Variants in PDZD7 observed in about 807,000 individuals in gnomAD.
The protein encoded by PDZD7 is PDZ domain containing 7.
A neutral mutation model predicts 84.7 loss-of-function variants in PDZD7; 72 were observed. The ratio of observed to expected loss-of-function variants is 0.85; its 90% confidence interval spans 0.70 to 1.03. PDZD7 has a LOEUF of 1.03. Ranked by LOEUF, PDZD7 falls within the 50% of genes least tolerant of loss-of-function variation. The pLI, the probability that PDZD7 is intolerant of heterozygous loss-of-function variation, is 0.00. For synonymous variants in PDZD7, 594 were observed against 580.7 expected (o/e 1.02, Z -0.33); for missense variants, 1,490 against 1,412.9 (o/e 1.05, Z -0.87).
chr10:101,022,440 A>G lies in PDZD7; in HGVS notation c.543-55T>C. The stretch of plus-strand genomic sequence containing the variant: ...GGTCCTCCATCCACTGCCACCCACC[A>G]CCCTCCCAGCAGTTCTGACAACTGC... On this transcript the variant is annotated intron_variant, in intron 4 of 16. Transcript: ENST00000619208. 3 of 1,603,192 alleles carry G rather than the reference A, an allele frequency of 1.9e-6. No individual in the cohort carries two copies. In the South Asian group the frequency reaches 3.3e-5, roughly 18 times the overall value.
At chr10:101,023,655 G>T (rs1270612314) in intron 3 of PDZD7, 45 bp from the exon 4 acceptor site, 2 of 1,600,572 alleles carry the variant, frequency 1.2e-6, no homozygotes, top group South Asian at 1.1e-5. Context: ...CCCAGGGTGG[G>T]GCTGAGCCTC....
rs1386117902 is a variant in PDZD7, at chr10:101,019,124, G to A, written c.1022C>T (p.Ser341Phe). Reference protein sequence around the residue: ...CASSAPYSSGSLPSDRMDICL... With the variant: ...CASSAPYSSGFLPSDRMDICL... ...GATGTCCATGCGGTCCGACGGCAGG[G>A]AGCCCGAGCTGTAGGGGGCGCTGGA... is the stretch of plus-strand genomic sequence containing the variant. Residue 341 changes from serine to phenylalanine, a missense_variant, in exon 8 of 17, where the codon TCC becomes TTC. Ser to Phe is a radical substitution (Grantham distance 155, BLOSUM62 -2). Transcript: ENST00000619208. 4 of 1,548,884 alleles carry A rather than the reference G, an allele frequency of 2.6e-6. No individual in the cohort carries two copies. In the African/African-American group the frequency reaches 5.4e-5, roughly 21 times the overall value.
intron 8 of PDZD7, among the ~76,000 whole-genome samples, 191 bp downstream of exon 8, chr10:101,018,631 A>C (rs1193148828): frequency 6.6e-6 from 1 of 152,130 alleles, no homozygotes; most frequent in African/African-American, 2.4e-5. Context: ...GCTGAGACTA[A>C]GGGTGAATGT....
chr10:101,009,273 C>CG lies in PDZD7; in HGVS notation c.2694dup (p.Ala899ArgfsTer62). On this transcript the variant is annotated frameshift_variant, in exon 16 of 17. Transcript: ENST00000619208. LOFTEE classifies it low-confidence loss of function (END_TRUNC). ...ACCTGCAGGGCCCCACTGAGGAAAG[C>CG]GGCCCCCCCAGGGAAGATCTTCTCT... 3.9e-6 allele frequency: 6 copies of CG among 1,535,874 alleles called. No individual in the cohort carries two copies. Among genetic ancestry groups the CG allele is most frequent in the Non-Finnish European group, 5.2e-6 (6 of 1,146,704 alleles).
intron 2 of PDZD7, among the ~76,000 whole-genome samples, chr10:101,025,915 C>G (rs1010584725): frequency 6.6e-6 from 1 of 152,122 alleles, no homozygotes; most frequent in Non-Finnish European, 1.5e-5. Context: ...TGGGACCCAG[C>G]AAATCTCTGT....
intron 12 of PDZD7, 29 bp from the exon 13 acceptor site, chr10:101,012,045 G>A (rs907004942): frequency 1.3e-6 from 2 of 1,544,204 alleles, no homozygotes; most frequent in South Asian, 1.2e-5. Context: ...CAGCAGGGGT[G>A]GGAGGGGCAG....
rs1001946635 is a variant in PDZD7, at chr10:101,031,099, C to G, written c.-192G>C. 4 of 152,486 alleles carry G rather than the reference C, an allele frequency of 2.6e-5. No individual in the cohort carries two copies. The highest frequency in any genetic ancestry group is 9.6e-5 in the African/African-American group (4 of 41,588). 9.4% of individuals were successfully genotyped at this position (152,486 alleles called of 1,614,324 possible). ...TGGTCGCTGGTGTGGCGCCGCCAGC[C>G]TTGTCAAACCACCCGCAGGCGAGAG... On this transcript the variant is annotated 5_prime_UTR_variant, in exon 1 of 17. Coordinates refer to ENST00000619208, the MANE Select transcript of PDZD7 (RefSeq NM_001195263.2).
rs1316703813 is a variant in PDZD7 at position 101,008,556 on chromosome 10, T to G, written c.3013A>C (p.Arg1005=). The G allele has an allele frequency of 6.5e-7, 1 of 1,535,410 alleles. No homozygotes were observed. Among genetic ancestry groups the G allele is most frequent in the Admixed American group, 2.0e-5 (1 of 50,928 alleles). ...GGGCTGGGAGTTGGCTGGAGGAGCC[T>G]GGCATCAGTGGGAGGAGTCTGGGGA... ...TNPQTPPTDA[R]LLQPTPSPAP... The change falls in exon 17 of 17, where the codon AGG becomes CGG. Residue 1005 remains arginine, a synonymous_variant. Coordinates refer to ENST00000619208, the MANE Select transcript of PDZD7 (RefSeq NM_001195263.2).
rs758265019 is a variant in PDZD7, at chr10:101,023,621, G to C, written c.368-11C>G. 6.2e-6 allele frequency: 10 copies of C among 1,610,236 alleles called. 1 individual carries two copies. The South Asian group carries it at 1.1e-4, about 18-fold the overall frequency. On this transcript the variant is annotated splice_polypyrimidine_tract_variant and intron_variant, in intron 3 of 16. Transcript: ENST00000619208. ...ACAGGCCAGCCCGCTCTGCACCACA[G>C]GATGGGAGTGGCTGGCATGGGTCCC...
At chr10:101,023,394 C>G in intron 4 of PDZD7, 42 bp downstream of exon 4, 2 of 1,600,566 alleles carry the variant, frequency 1.2e-6, no homozygotes, top group Non-Finnish European at 1.7e-6. Flanking sequence ...TTGGGGTGGG[C>G]TGGGGCAAGG....
rs1190706430 is a variant in PDZD7 at position 101,016,299 on chromosome 10, C to T, written c.1573+78G>A. ...CCTGACTGAATTTAGTCCAGAGCCA[C>T]TCAGCTGGCCCCCAGTATGCACCCT... On this transcript the variant is annotated intron_variant, in intron 10 of 16. Transcript: ENST00000619208. 9 of 1,456,246 alleles carry T rather than the reference C, an allele frequency of 6.2e-6. No homozygotes were observed. In the African/African-American group the frequency reaches 7.0e-5, roughly 11 times the overall value. The allele number at this position is 1,456,246 out of a possible 1,614,324, so 90.2% of individuals were successfully genotyped here.
chr10:101,030,101 G>A lies in PDZD7; in HGVS notation c.119C>T (p.Thr40Met), dbSNP rs1160650482. The A allele has an allele frequency of 1.2e-6, 2 of 1,614,228 alleles. No individual in the cohort carries two copies. The highest frequency in any genetic ancestry group is 1.7e-5 in the Admixed American group (1 of 60,026). The part of the protein sequence containing the change: ...HLGSDSGSTA[T>M]RYLLRKQQRL... ...TTGTTGCTTCCTTAGCAGGTATCGC[G>A]TTGCGGTGGAGCCTGAGTCGCTGCC... The change falls in exon 2 of 17, where the codon ACG becomes ATG. Residue 40 changes from threonine to methionine, a missense_variant. Coordinates refer to ENST00000619208, the MANE Select transcript of PDZD7 (RefSeq NM_001195263.2).
In PDZD7 at chr10:101,023,537, A is replaced by G; in HGVS notation, c.441T>C (p.Gly147=). The G allele has an allele frequency of 6.2e-7, 1 of 1,614,056 alleles. No individual in the cohort carries two copies. Among genetic ancestry groups the G allele is most frequent in the South Asian group, 1.1e-5 (1 of 91,078 alleles). ...TGCTGGTCAGCACCTTTACGGCGCTACCCATGGTGGTGCTCTCCAGGCTCA... is the reference window on the plus strand; with the variant it reads ...TGCTGGTCAGCACCTTTACGGCGCTGCCCATGGTGGTGCTCTCCAGGCTCA... ...NGLSLESTTM[G]SAVKVLTSSS... The change falls in exon 4 of 17, where the codon GGT becomes GGC. Residue 147 remains glycine (G), a synonymous_variant. Coordinates refer to ENST00000619208, the MANE Select transcript of PDZD7 (RefSeq NM_001195263.2).
At position 101,008,547 on chromosome 10, in the gene PDZD7, G is replaced by A. The variant is rs1364044597; in HGVS notation, c.3022C>T (p.Gln1008Ter). Residue 1008 changes from glutamine (Q) to a stop codon, truncating the protein, a stop_gained, in exon 17 of 17, where the codon CAG (glutamine) becomes TAG (stop). Transcript: ENST00000619208. LOFTEE classifies it low-confidence loss of function (END_TRUNC). ...QTPPTDARLL[Q>*]PTPSPAPSPA... The stretch of plus-strand genomic sequence containing the variant: ...GAGGGGGCTGGGCTGGGAGTTGGCT[G>A]GAGGAGCCTGGCATCAGTGGGAGGA... The A allele has an allele frequency of 6.5e-7, 1 of 1,535,570 alleles. No individual in the cohort carries two copies. Among genetic ancestry groups the A allele is most frequent in the African/African-American group, 1.4e-5 (1 of 73,034 alleles).
At chr10:101,027,943 A>T (rs1469138266) in intron 2 of PDZD7, among the ~76,000 whole-genome samples, 5 of 152,170 alleles carry the variant, frequency 3.3e-5, no homozygotes, top group Non-Finnish European at 5.9e-5. Flanking sequence ...AAGGTAATGC[A>T]TTTTCTCTGG....
Position 101,024,053 on chromosome 10 carries a change from C to G in PDZD7, c.242G>C (p.Ser81Thr), listed in dbSNP as rs1363266373. 2 of 1,614,274 alleles carry G rather than the reference C, an allele frequency of 1.2e-6. No homozygotes were observed. Among genetic ancestry groups the G allele is most frequent in the South Asian group, 2.2e-5 (2 of 91,088 alleles). Reference sequence around the variant, plus strand: ...CACCCGGACTGAATGGATGATGTCACTTTCATCACTGTTGGCTGTGAGGAC... The same window carrying G: ...CACCCGGACTGAATGGATGATGTCAGTTTCATCACTGTTGGCTGTGAGGAC... Reference protein sequence around the residue: ...NSPIEANSDESDIIHSVRVEK... With the variant: ...NSPIEANSDETDIIHSVRVEK... Residue 81 changes from serine to threonine, a missense_variant, in exon 3 of 17, where the codon AGT becomes ACT. Coordinates refer to ENST00000619208, the MANE Select transcript of PDZD7 (RefSeq NM_001195263.2).
Position 101,011,930 on chromosome 10 carries a change from C to G in PDZD7, c.1928G>C (p.Arg643Thr). Residue 643 changes from arginine to threonine, a missense_variant, in exon 13 of 17, where the codon AGG becomes ACG. Transcript: ENST00000619208. Reference sequence around the variant, plus strand: ...CCCCGCCCCCCACTGCTGACCTGCCCTGCTCTTGAGGGCCTCAAAAGCCTC... The same window carrying G: ...CCCCGCCCCCCACTGCTGACCTGCCGTGCTCTTGAGGGCCTCAAAAGCCTC... ...ELEAFEALKS[R>T]AVRPPALRPA... 1.3e-6 allele frequency: 2 copies of G among 1,550,278 alleles called. No individual in the cohort carries two copies. The highest frequency in any genetic ancestry group is 1.7e-6 in the Non-Finnish European group (2 of 1,146,986).
At chr10:101,019,887 A>G (rs964716085) in intron 7 of PDZD7, among the ~76,000 whole-genome samples, 15 of 148,986 alleles carry the variant, frequency 1.0e-4, no homozygotes, top group Admixed American at 6.7e-5. Flanking sequence ...CAGCCTCCCA[A>G]AGTTTTGGGA....
intron 2 of PDZD7, among the ~76,000 whole-genome samples, chr10:101,026,161 A>G (rs1937688263): frequency 1.3e-5 from 2 of 151,450 alleles, no homozygotes; most frequent in South Asian, 4.2e-4. Flanking sequence ...TTGAGACGGA[A>G]TCTCGCTTCT....
Sources: allele counts gnomAD v4.1 joint callset (sites outside exome capture counted in the v4.1 genomes callset), GRCh38; gene constraint gnomAD v4.1.1; transcripts MANE v1.5; gene names NCBI Gene and HGNC (gene_info 2026-07-23, HGNC 2026-07-21).